TMEM30A: variants seen among roughly 807,000 people sequenced by gnomAD.
TMEM30A encodes the protein cell division cycle 50 P4-ATPase accessory subunit A.
A neutral mutation model predicts 38.2 loss-of-function variants in TMEM30A; 24 were observed. The ratio of observed to expected loss-of-function variants is 0.63; its 90% CI spans 0.46 to 0.88. TMEM30A has a LOEUF of 0.88. Among genes scored for constraint, TMEM30A ranks in the 40% least tolerant of loss-of-function variants. TMEM30A has a pLI of 0.00. For synonymous variants in TMEM30A, 145 were observed against 161.6 expected (o/e 0.90, Z 0.78); for missense variants, 370 against 458.6 (o/e 0.81, Z 1.77).
chr6:75,256,490 G>A (rs1280095198), intron 6 of TMEM30A, among the ~76,000 whole-genome samples, 195 bp from the exon 7 acceptor site: 1 of 152,012 alleles, frequency 6.6e-6, no homozygotes, highest in African/African-American at 2.4e-5. Context: ...CAAACTAAAT[G>A]TTAGTAGTAA....
intron 4 of TMEM30A, 31 bp from the exon 5 acceptor site, chr6:75,259,521 C>A (rs1351909778): frequency 6.4e-7 from 1 of 1,557,292 alleles, no homozygotes; most frequent in East Asian, 2.3e-5. Context: ...ACATTACTAA[C>A]TATCTCTTGA....
intron 6 of TMEM30A, among the ~76,000 whole-genome samples, chr6:75,257,036 C>T (rs150480545): frequency 2.0e-5 from 3 of 152,212 alleles, no homozygotes; most frequent in African/African-American, 4.8e-5. Flanking sequence ...TAGGGTTAGG[C>T]CCCATCTGTT....
At chr6:75,268,849 T>C (rs1772115922) in intron 1 of TMEM30A, among the ~76,000 whole-genome samples, 2 of 152,178 alleles carry the variant, frequency 1.3e-5, no homozygotes, top group African/African-American at 2.4e-5. Flanking sequence ...GGCAGTCTTG[T>C]TGGGGACCAT....
In TMEM30A at chr6:75,284,730, C is replaced by T; in HGVS notation, c.-92G>A. ...ACAGGAACCGCTCGAGCGCCGCTGC[C>T]GCCGCCGCCGCCGCAGCCACCAGCG... On this transcript the variant is annotated 5_prime_UTR_variant, in exon 1 of 7. Transcript: ENST00000230461. 1 of 1,101,388 alleles carries T rather than the reference C, an allele frequency of 9.1e-7. No individual in the cohort carries two copies. The highest frequency in any genetic ancestry group is 1.3e-5 in the South Asian group (1 of 77,098). The allele number at this position is 1,101,388 out of a possible 1,614,324, so 68.2% of individuals were successfully genotyped here. A position where few individuals can be genotyped will look rare whatever the true frequency, so the allele number is the denominator to read the frequency against.
intron 1 of TMEM30A, among the ~76,000 whole-genome samples, chr6:75,270,685 C>A (rs1036933795): frequency 2.6e-5 from 4 of 152,172 alleles, no homozygotes; most frequent in African/African-American, 9.7e-5. Context: ...GAAGGTATCA[C>A]CCAGCTGATT....
At chr6:75,263,244 G>GA (rs1189753720) in intron 3 of TMEM30A, among the ~76,000 whole-genome samples, 1 of 152,220 alleles carries the variant, frequency 6.6e-6, no homozygotes, top group Non-Finnish European at 1.5e-5. Flanking sequence ...AGGTAATGGT[G>GA]AATGTAGCTG....
At chr6:75,268,775 G>A (rs926217372) in intron 1 of TMEM30A, among the ~76,000 whole-genome samples, 1 of 152,094 alleles carries the variant, frequency 6.6e-6, no homozygotes, top group Non-Finnish European at 1.5e-5. Context: ...CCTGGATTTG[G>A]AGCCAGTTGA....
At chr6:75,261,980 A>C (rs565768448) in intron 3 of TMEM30A, among the ~76,000 whole-genome samples, 60 of 152,332 alleles carry the variant, frequency 3.9e-4, no homozygotes, top group South Asian at 1.0e-3. Flanking sequence ...AAAGGAAAAT[A>C]GTATTTACTA....
In TMEM30A at chr6:75,259,330, T is replaced by C. The variant is rs1771923103; in HGVS notation, c.685+17A>G. On this transcript the variant is annotated intron_variant, in intron 5 of 6. Coordinates refer to ENST00000230461, the MANE Select transcript of TMEM30A (RefSeq NM_018247.4). Reference sequence around the variant, plus strand: ...ACTCCTAGTTTAATTTTTTAAGGGATATTAGTAATGTTTTACCTTTAAATC... The same window carrying C: ...ACTCCTAGTTTAATTTTTTAAGGGACATTAGTAATGTTTTACCTTTAAATC... The C allele has an allele frequency of 1.9e-6, 3 of 1,596,678 alleles. No individual in the cohort carries two copies. The highest frequency in any genetic ancestry group is 2.6e-6 in the Non-Finnish European group (3 of 1,174,392).
intron 3 of TMEM30A, among the ~76,000 whole-genome samples, chr6:75,261,126 T>A (rs1022249317): frequency 6.6e-6 from 1 of 152,258 alleles, no homozygotes; most frequent in East Asian, 1.9e-4. Flanking sequence ...ATATAACCTT[T>A]ACTTGCATAT....
chr6:75,265,364 T>C (rs1433119261), intron 2 of TMEM30A, 26 bp from the exon 3 acceptor site: 2 of 1,412,270 alleles, frequency 1.4e-6, no homozygotes, highest in Non-Finnish European at 2.0e-6. Flanking sequence ...GGGAAAAAAT[T>C]TTCATATAAA....
At chr6:75,265,023 G>A (rs1191987354) in intron 3 of TMEM30A, among the ~76,000 whole-genome samples, 1 of 151,920 alleles carries the variant, frequency 6.6e-6, no homozygotes, top group Admixed American at 6.6e-5. Flanking sequence ...CTTGAACCTG[G>A]GGGGTGGAGG....
chr6:75,283,831 T>C (rs946276507), intron 1 of TMEM30A, among the ~76,000 whole-genome samples: 1 of 152,226 alleles, frequency 6.6e-6, no homozygotes, highest in Non-Finnish European at 1.5e-5. Flanking sequence ...TATGCACATT[T>C]GTCATAAGTC....
intron 1 of TMEM30A, among the ~76,000 whole-genome samples, chr6:75,274,724 A>C (rs1772230363): frequency 6.6e-6 from 1 of 152,172 alleles, no homozygotes; most frequent in Non-Finnish European, 1.5e-5. Flanking sequence ...ATGTCACTAA[A>C]TCAAAAGTCA....
chr6:75,265,622 C>A (rs1267284056), intron 2 of TMEM30A, among the ~76,000 whole-genome samples: 1 of 152,204 alleles, frequency 6.6e-6, no homozygotes, highest in Non-Finnish European at 1.5e-5. Context: ...AATCTATTAG[C>A]CTACTCTGAG....
chr6:75,274,745 C>T (rs1031925811), intron 1 of TMEM30A, among the ~76,000 whole-genome samples: 5 of 152,086 alleles, frequency 3.3e-5, no homozygotes, highest in African/African-American at 9.7e-5. Flanking sequence ...GTTCTCAGGC[C>T]GGGCGCGGTG....
rs561803346 is a variant in TMEM30A at position 75,259,274 on chromosome 6, G to A, written c.685+73C>T. 2.7e-6 allele frequency: 4 copies of A among 1,477,918 alleles called. No individual in the cohort carries two copies. In the African/African-American group the frequency reaches 5.7e-5, roughly 21 times the overall value. The allele number at this position is 1,477,918 out of a possible 1,614,324, so 91.6% of individuals were successfully genotyped here. ...TTTCAAAGCATAACTTTAAGATTCTGAAGATAGAAAATTTAAAATACTTCA... is the reference window on the plus strand; with the variant it reads ...TTTCAAAGCATAACTTTAAGATTCTAAAGATAGAAAATTTAAAATACTTCA... On this transcript the variant is annotated intron_variant, in intron 5 of 6. Transcript: ENST00000230461.
chr6:75,277,180 A>G (rs1221543210), intron 1 of TMEM30A, among the ~76,000 whole-genome samples: 1 of 152,112 alleles, frequency 6.6e-6, no homozygotes, highest in Non-Finnish European at 1.5e-5. Context: ...TTCTTTTTAA[A>G]CAGATTGTGT....
chr6:75,255,984 AG>A lies in TMEM30A; in HGVS notation c.*117del. 1 of 680,830 alleles carries A rather than the reference AG, an allele frequency of 1.5e-6. No homozygotes were observed. The highest frequency in any genetic ancestry group is 2.7e-5 in the South Asian group (1 of 36,566). 42.2% of individuals were successfully genotyped at this position (680,830 alleles called of 1,614,324 possible). On this transcript the variant is annotated 3_prime_UTR_variant, in exon 7 of 7. Transcript: ENST00000230461. ...CAAACAACAAAGACTGCTTTTTTTT[AG>A]AAAAGTTATGTGCCAACTTCAAAAT...
Sources: allele counts gnomAD v4.1 joint callset (sites outside exome capture counted in the v4.1 genomes callset), GRCh38; gene constraint gnomAD v4.1.1; transcripts MANE v1.5; gene names NCBI Gene and HGNC (gene_info 2026-07-23, HGNC 2026-07-21).